Variants in HTR7 observed in about 807,000 individuals in gnomAD.
HTR7 encodes 5-hydroxytryptamine receptor 7, also known as 5-HT-7.
Under a neutral mutation model 34.0 loss-of-function variants are expected in HTR7, and 16 were observed. The observed-to-expected ratio is 0.47, with a 90% CI of 0.32 to 0.71. HTR7 has a LOEUF of 0.71. HTR7 is among the 30% of genes least tolerant of loss of function. HTR7 has a pLI of 0.04. For synonymous variants in HTR7, 265 were observed against 260.2 expected, an observed-to-expected ratio of 1.02 and a Z score of -0.18; for missense variants, 504 against 625.5, an observed-to-expected ratio of 0.81 and a Z score of 2.07.
chr10:90,751,554 C>T (rs1275320729), intron 1 of HTR7, among the ~76,000 whole-genome samples: 1 of 152,084 alleles, frequency 6.6e-6, no homozygotes, highest in Non-Finnish European at 1.5e-5. Flanking sequence ...TGAAGTCCAG[C>T]AGGTAGAGGT....
chr10:90,761,318 C>T (rs973524980), intron 1 of HTR7, among the ~76,000 whole-genome samples: 1 of 152,112 alleles, frequency 6.6e-6, no homozygotes, highest in African/African-American at 2.4e-5. Flanking sequence ...TAAAATACTG[C>T]AAAGCTTTAT....
At chr10:90,744,146 A>G (rs1167849303) in intron 2 of HTR7, among the ~76,000 whole-genome samples, 1 of 151,668 alleles carries the variant, frequency 6.6e-6, no homozygotes, top group Admixed American at 6.6e-5. Context: ...CTGAGTCTGG[A>G]GGAGTCCAGA....
chr10:90,835,627 A>T (rs1444618365), intron 1 of HTR7, among the ~76,000 whole-genome samples: 1 of 152,206 alleles, frequency 6.6e-6, no homozygotes, highest in Non-Finnish European at 1.5e-5. Context: ...AGCACCTTCC[A>T]CATACTAATA....
intron 1 of HTR7, among the ~76,000 whole-genome samples, chr10:90,843,051 G>A (rs528844658): frequency 2.0e-5 from 3 of 152,122 alleles, no homozygotes; most frequent in Non-Finnish European, 4.4e-5. Context: ...TGCAGAATAA[G>A]AAGTCAAGGC....
intron 1 of HTR7, among the ~76,000 whole-genome samples, chr10:90,832,303 C>A (rs942110041): frequency 6.6e-6 from 1 of 152,230 alleles, no homozygotes; most frequent in Non-Finnish European, 1.5e-5. Flanking sequence ...TGGTGGGATG[C>A]AGGTCCCAAG....
intron 1 of HTR7, among the ~76,000 whole-genome samples, chr10:90,855,942 C>T (rs958916432): frequency 6.6e-6 from 1 of 152,008 alleles, no homozygotes; most frequent in African/African-American, 2.4e-5. Flanking sequence ...CCTGGTCAAG[C>T]AAAAAATACA....
chr10:90,809,202 G>A (rs2119958118), intron 1 of HTR7, among the ~76,000 whole-genome samples: 1 of 152,180 alleles, frequency 6.6e-6, no homozygotes, highest in Non-Finnish European at 1.5e-5. Context: ...CACCCGGTCT[G>A]GCTTACAGTT....
At chr10:90,827,081 T>A in intron 1 of HTR7, among the ~76,000 whole-genome samples, 1 of 149,966 alleles carries the variant, frequency 6.7e-6, no homozygotes, top group African/African-American at 2.5e-5. Context: ...AAGAAACAAA[T>A]TCAACCATAC....
intron 1 of HTR7, among the ~76,000 whole-genome samples, chr10:90,814,035 T>C (rs1845859112): frequency 6.6e-6 from 1 of 152,222 alleles, no homozygotes; most frequent in African/African-American, 2.4e-5. Context: ...CTCCTTTCTC[T>C]TTCTTTAGCC....
rs776834591 is a variant in HTR7, at chr10:90,743,629, C to T, written c.1357G>A (p.Val453Met). ...PEKRPPVSVWVLQSPDHHNWL... is the reference protein window; with the variant it reads ...PEKRPPVSVWMLQSPDHHNWL... ...TTGTGATGGTCTGGAGATTGTAGCA[C>T]CCACACAGATACCGGTGGCCTCTTT... Residue 453 changes from valine to methionine, a missense_variant, in exon 3 of 4, where the codon GTG becomes ATG. Val to Met is a conservative substitution (Grantham distance 21). Around this residue, in one of 4 missense-constraint regions of HTR7, gnomAD observed 154 missense variants for 212.1 expected, o/e 0.73. Coordinates refer to ENST00000336152, the MANE Select transcript of HTR7 (RefSeq NM_019859.4). 3 of 1,613,986 alleles carry T rather than the reference C, an allele frequency of 1.9e-6. No homozygotes were observed. Among genetic ancestry groups the T allele is most frequent in the Admixed American group, 3.3e-5 (2 of 60,012 alleles).
At chr10:90,742,802 G>A (rs756547974) in intron 3 of HTR7, among the ~76,000 whole-genome samples, 6 of 152,046 alleles carry the variant, frequency 3.9e-5, no homozygotes, top group Non-Finnish European at 8.8e-5. Flanking sequence ...TACAGCTATA[G>A]CAAAAAATGA....
chr10:90,796,597 A>G (rs1666762676), intron 1 of HTR7, among the ~76,000 whole-genome samples: 1 of 152,156 alleles, frequency 6.6e-6, no homozygotes, highest in Non-Finnish European at 1.5e-5. Flanking sequence ...TGTAGGTCCC[A>G]GCTACTAGGG....
intron 1 of HTR7, among the ~76,000 whole-genome samples, chr10:90,805,695 C>T (rs1845694401): frequency 6.6e-6 from 1 of 152,130 alleles, no homozygotes; most frequent in South Asian, 2.1e-4. Flanking sequence ...TGAAACCTGA[C>T]AAATGAAAAA....
chr10:90,824,202 CCAAA>C (rs1475885285), intron 1 of HTR7, among the ~76,000 whole-genome samples: 6 of 152,224 alleles, frequency 3.9e-5, no homozygotes, highest in Non-Finnish European at 2.9e-5. Flanking sequence ...GGATAGGGTA[CCAAA>C]CAGAGTTCTG....
intron 1 of HTR7, among the ~76,000 whole-genome samples, chr10:90,754,984 G>A (rs1589436763): frequency 6.6e-6 from 1 of 152,164 alleles, no homozygotes; most frequent in Non-Finnish European, 1.5e-5. Context: ...CAGATTATAA[G>A]AATCACTCAG....
intron 1 of HTR7, among the ~76,000 whole-genome samples, chr10:90,763,668 C>A (rs561025504): frequency 6.6e-6 from 1 of 152,234 alleles, no homozygotes; most frequent in East Asian, 1.9e-4. Context: ...TCCCTGTGTC[C>A]ATGAGTTCTC....
chr10:90,748,141 TTTTTC>T (rs773682630), intron 2 of HTR7, among the ~76,000 whole-genome samples: 2 of 152,178 alleles, frequency 1.3e-5, no homozygotes, highest in Non-Finnish European at 2.9e-5. Context: ...CCTGTGGCTC[TTTTTC>T]TTTTATTTTT....
At chr10:90,826,212 A>C (rs1846070644) in intron 1 of HTR7, among the ~76,000 whole-genome samples, 1 of 152,124 alleles carries the variant, frequency 6.6e-6, no homozygotes. Flanking sequence ...TAAAATACTA[A>C]AGAAAAAAAA....
chr10:90,855,655 A>G lies in HTR7; in HGVS notation c.539+1478T>C, dbSNP rs908881402. ...GCACTCTCCTAATTCCAGTTGCCAC[A>G]GTCAGACTGTAAATACATATGTTTT... On this transcript the variant is annotated intron_variant, in intron 1 of 3. Transcript: ENST00000336152. Among the ~76,000 whole-genome samples, 3 of 152,356 alleles carry G rather than the reference A, an allele frequency of 2.0e-5. No individual in the cohort carries two copies. In the East Asian group the frequency reaches 5.8e-4, roughly 29 times the overall value.
Sources: allele counts gnomAD v4.1 joint callset (sites outside exome capture counted in the v4.1 genomes callset), GRCh38; gene constraint gnomAD v4.1.1; regional missense constraint gnomAD v4.1.1; transcripts MANE v1.5; gene names NCBI Gene and HGNC (gene_info 2026-07-23, HGNC 2026-07-21).